CSMD1: variants seen among roughly 807,000 people sequenced by gnomAD.
The protein encoded by CSMD1 is CUB and Sushi multiple domains 1.
CSMD1 carries 213 observed loss-of-function variants against 417.5 expected under a neutral mutation model. That is an observed-to-expected ratio of 0.51 (90% CI 0.46 to 0.57). The LOEUF (loss-of-function observed/expected upper bound fraction) is 0.57, where lower values mean the gene tolerates loss of function less well. CSMD1 is among the 20% of genes least tolerant of loss of function. The pLI is 0.00. For missense variants in CSMD1, 6,923 were observed against 4,529.7 expected, an observed-to-expected ratio of 1.53 and a Z score of -15.17; for synonymous variants, 2,862 against 1,736.8, an observed-to-expected ratio of 1.65 and a Z score of -16.11.
At chr8:4,580,544 T>C (rs548819325) in intron 2 of CSMD1, among the ~76,000 whole-genome samples, 92 of 152,302 alleles carry the variant, frequency 6.0e-4, no homozygotes, top group African/African-American at 2.1e-3. Context: ...GCTTGAGTTG[T>C]TCCCCATGTC....
intron 2 of CSMD1, among the ~76,000 whole-genome samples, chr8:4,591,360 T>G (rs1296653827): frequency 6.6e-6 from 1 of 152,132 alleles, no homozygotes; most frequent in Non-Finnish European, 1.5e-5. Context: ...ACAAACTAGT[T>G]GGGCCACCTT....
At chr8:3,982,145 G>A (rs572730014) in intron 5 of CSMD1, among the ~76,000 whole-genome samples, 63 of 145,350 alleles carry the variant, frequency 4.3e-4, no homozygotes, top group Middle Eastern at 3.6e-3. Flanking sequence ...GTGACACAGC[G>A]AGGCTCTATC....
chr8:3,567,183 C>G (rs1799749186), intron 10 of CSMD1, among the ~76,000 whole-genome samples: 1 of 152,088 alleles, frequency 6.6e-6, no homozygotes, highest in South Asian at 2.1e-4. Context: ...AAACCAAATA[C>G]TGCATGTTCT....
chr8:3,916,074 G>C (rs193284607), intron 5 of CSMD1, among the ~76,000 whole-genome samples: 4 of 151,710 alleles, frequency 2.6e-5, no homozygotes, highest in Non-Finnish European at 5.9e-5. Context: ...CAAAGTGTCT[G>C]CTCTGGAAGT....
rs573814814 is a variant in CSMD1 at position 3,139,716 on chromosome 8, T to TGTCGA, written c.6241+2744_6241+2748dup. Among the ~76,000 whole-genome samples the TGTCGA allele has an allele frequency of 2.8e-4, 42 of 152,264 alleles. No homozygotes were observed. In the East Asian group the frequency reaches 7.3e-3, roughly 27 times the overall value. On this transcript the variant is annotated intron_variant, in intron 41 of 69. Coordinates refer to ENST00000635120, the MANE Select transcript of CSMD1 (RefSeq NM_033225.6). ...AGATATGTACGTGTGTATGTGTGTG[T>TGTCGA]GTCGATGTGTGAGAGACAGATCTGA...
At chr8:4,966,058 A>T (rs1809836219) in intron 1 of CSMD1, among the ~76,000 whole-genome samples, 1 of 151,896 alleles carries the variant, frequency 6.6e-6, no homozygotes, top group Admixed American at 6.6e-5. Context: ...GACTTTTACC[A>T]ATACTCGAAT....
chr8:3,162,880 C>T (rs1486214229), intron 37 of CSMD1, among the ~76,000 whole-genome samples: 1 of 152,108 alleles, frequency 6.6e-6, no homozygotes, highest in Non-Finnish European at 1.5e-5. Context: ...GAATTGCATT[C>T]AGTTAAGACA....
At chr8:4,788,162 C>T in intron 1 of CSMD1, 2 of 1,597,186 alleles carry the variant, frequency 1.3e-6, no homozygotes, top group Non-Finnish European at 1.7e-6. Context: ...GTGAAAAAAT[C>T]AAGAAGGCCT....
intron 4 of CSMD1, among the ~76,000 whole-genome samples, chr8:4,014,958 T>A (rs987412998): frequency 6.6e-6 from 1 of 152,216 alleles, no homozygotes; most frequent in Non-Finnish European, 1.5e-5. Flanking sequence ...ATAACGTGAA[T>A]GACGTGCTTG....
At position 3,843,053 on chromosome 8, in the gene CSMD1, AATG is replaced by A. The variant is rs1442721986; in HGVS notation, c.819-89014_819-89012del. 2.0e-5 allele frequency among the ~76,000 whole-genome samples: 3 copies of A among 152,280 alleles called. No homozygotes were observed. In the East Asian group the frequency reaches 5.8e-4, roughly 29 times the overall value. On this transcript the variant is annotated intron_variant, in intron 5 of 69. Transcript: ENST00000635120. ...TAGTATTCACATTTTGCACATGATA[AATG>A]TTGTAATGAGTTTCTATTTCAGTAT... is the stretch of plus-strand genomic sequence containing the variant.
chr8:4,153,080 T>C (rs1327223447), intron 3 of CSMD1, among the ~76,000 whole-genome samples: 1 of 152,202 alleles, frequency 6.6e-6, no homozygotes. Context: ...GGTATGATTC[T>C]TTTTCAGATG....
At chr8:3,978,965 T>C (rs1361360947) in intron 5 of CSMD1, among the ~76,000 whole-genome samples, 1 of 152,238 alleles carries the variant, frequency 6.6e-6, no homozygotes, top group Non-Finnish European at 1.5e-5. Flanking sequence ...GTTTTTACAC[T>C]GCCTCCTAGA....
At chr8:3,506,094 A>G (rs1166856608) in intron 10 of CSMD1, among the ~76,000 whole-genome samples, 1 of 152,154 alleles carries the variant, frequency 6.6e-6, no homozygotes, top group Non-Finnish European at 1.5e-5. Context: ...GTGTTCTCAT[A>G]AGGAGGTGTC....
At chr8:4,039,949 G>C (rs762838935) in intron 3 of CSMD1, among the ~76,000 whole-genome samples, 2 of 152,190 alleles carry the variant, frequency 1.3e-5, no homozygotes, top group East Asian at 1.9e-4. Flanking sequence ...GTTTATTATA[G>C]AGAATTGTAA....
intron 1 of CSMD1, among the ~76,000 whole-genome samples, chr8:4,850,037 C>T (rs561316681): frequency 2.6e-5 from 4 of 152,272 alleles, no homozygotes; most frequent in South Asian, 2.1e-4. Flanking sequence ...GTGTTACGTA[C>T]GTACTATACT....
chr8:4,020,231 G>A (rs1438609710), intron 4 of CSMD1, among the ~76,000 whole-genome samples: 1 of 152,164 alleles, frequency 6.6e-6, no homozygotes, highest in African/African-American at 2.4e-5. Context: ...TAAATAAATT[G>A]ACCAAAGACA....
At chr8:4,205,879 T>C (rs892099689) in intron 3 of CSMD1, among the ~76,000 whole-genome samples, 9 of 152,286 alleles carry the variant, frequency 5.9e-5, no homozygotes, top group African/African-American at 1.9e-4. Flanking sequence ...GAACTTCCTA[T>C]TATGCACTGT....
chr8:3,884,922 T>TATATTC (rs1329265993), intron 5 of CSMD1, among the ~76,000 whole-genome samples: 25 of 146,138 alleles, frequency 1.7e-4, no homozygotes, highest in African/African-American at 2.6e-4. Flanking sequence ...AATATATATA[T>TATATTC]ATATATATTC....
chr8:3,722,371 T>G lies in CSMD1; in HGVS notation c.932-13880A>C, dbSNP rs544094789. Among the ~76,000 whole-genome samples the G allele has an allele frequency of 2.0e-5, 3 of 152,294 alleles. No homozygotes were observed. The East Asian group carries it at 5.8e-4, about 29-fold the overall frequency. ...ATAAAATCTAAGACGAAGTTGAGGG[T>G]CACTTTAGGAATTTGAAAGCACAGT... On this transcript the variant is annotated intron_variant, in intron 6 of 69. Transcript: ENST00000635120.
Sources: allele counts gnomAD v4.1 joint callset (sites outside exome capture counted in the v4.1 genomes callset), GRCh38; gene constraint gnomAD v4.1.1; transcripts MANE v1.5; gene names NCBI Gene and HGNC (gene_info 2026-07-23, HGNC 2026-07-21).